The following ARID4A variants were observed in gnomAD, a reference collection of about 807,000 sequenced individuals.
The protein encoded by ARID4A is AT-rich interaction domain 4A, also known as AT-rich interactive domain-containing protein 4A.
A neutral mutation model predicts 148.6 loss-of-function variants in ARID4A; 39 were observed. The observed-to-expected ratio is 0.26, with a 90% confidence interval of 0.20 to 0.34. The LOEUF is 0.34. ARID4A is among the 10% of genes least tolerant of loss of function. ARID4A has a pLI of 1.00. For synonymous variants in ARID4A, 475 were observed against 481.2 expected (o/e 0.99, Z 0.17); for missense variants, 1,265 against 1,449.1 (o/e 0.87, Z 2.06).
At position 58,354,003 on chromosome 14, in the gene ARID4A, T is replaced by C. The variant is rs1213644402; in HGVS notation, c.1853+148T>C. On this transcript the variant is annotated intron_variant, in intron 17 of 23. Coordinates refer to ENST00000355431, the MANE Select transcript of ARID4A (RefSeq NM_002892.4). The stretch of plus-strand genomic sequence containing the variant: ...GAATTTTCCAAGACTTTGACATTCC[T>C]GCTGTTATACTAGCAGTGTCAATGC... 71 of 706,312 alleles carry C rather than the reference T, an allele frequency of 1.0e-4. No homozygotes were observed. In the East Asian group the frequency reaches 1.9e-3, roughly 19 times the overall value. The allele number at this position is 706,312 out of a possible 1,614,324, so 43.8% of individuals were successfully genotyped here. A position where few individuals can be genotyped will look rare whatever the true frequency, so the allele number is the denominator to read the frequency against.
intron 19 of ARID4A, among the ~76,000 whole-genome samples, chr14:58,361,587 A>C (rs927571136): frequency 2.8e-4 from 43 of 152,320 alleles, no homozygotes; most frequent in African/African-American, 1.0e-3. Context: ...ACAGTGGAAA[A>C]ATTGTGTGGG....
chr14:58,368,406 G>T (rs2035452956), intron 23 of ARID4A, among the ~76,000 whole-genome samples: 1 of 152,198 alleles, frequency 6.6e-6, no homozygotes, highest in South Asian at 2.1e-4. Flanking sequence ...CACTACATGT[G>T]CATTTTCTGT....
intron 23 of ARID4A, among the ~76,000 whole-genome samples, chr14:58,370,257 G>C (rs1048741048): frequency 6.6e-6 from 1 of 152,212 alleles, no homozygotes; most frequent in South Asian, 2.1e-4. Flanking sequence ...TTGCTCTGGG[G>C]TCAGTTTCCT....
chr14:58,369,529 G>A (rs1034995841), intron 23 of ARID4A, among the ~76,000 whole-genome samples: 1 of 151,414 alleles, frequency 6.6e-6, no homozygotes, highest in Middle Eastern at 3.2e-3. Flanking sequence ...AGGAGGCTGA[G>A]GCTTGAGGAT....
At chr14:58,361,088 C>G in intron 19 of ARID4A, 46 bp downstream of exon 19, 1 of 1,554,356 alleles carries the variant, frequency 6.4e-7, no homozygotes, top group Non-Finnish European at 8.7e-7. Flanking sequence ...TCACCTCTGT[C>G]AAATGGAATG....
At chr14:58,352,412 T>C (rs916580474) in intron 16 of ARID4A, among the ~76,000 whole-genome samples, 10 of 152,086 alleles carry the variant, frequency 6.6e-5, no homozygotes, top group Non-Finnish European at 1.3e-4. Flanking sequence ...GACAAAAAAT[T>C]TAAGCAAAGG....
rs71107934 is a variant in ARID4A, at chr14:58,319,521, CTTTTTTTTTTTTTTTTTTT to C, written c.449+737_449+755del. ...ATCTGTGTATGAATGTCTATATACT[CTTTTTTTTTTTTTTTTTTT>C]TTTTTTTTTTTTTTTTTTTTGGTGA... On this transcript the variant is annotated intron_variant, in intron 7 of 23. Transcript: ENST00000355431. Among the ~76,000 whole-genome samples the C allele has an allele frequency of 2.4e-4, 15 of 62,090 alleles. No individual in the cohort carries two copies. The East Asian group carries it at 7.7e-3, about 32-fold the overall frequency. 40.7% of individuals were successfully genotyped at this position (62,090 alleles called of 152,430 possible). A position where few individuals can be genotyped will look rare whatever the true frequency, so the allele number is the denominator to read the frequency against.
chr14:58,323,807 C>T (rs1046247895), intron 8 of ARID4A, among the ~76,000 whole-genome samples, 190 bp downstream of exon 8: 1 of 149,958 alleles, frequency 6.7e-6, no homozygotes. Context: ...TTCTTTAATT[C>T]TCTGTAGGCT....
At chr14:58,351,412 T>G in intron 16 of ARID4A, 89 bp downstream of exon 16, 1 of 1,491,870 alleles carries the variant, frequency 6.7e-7, no homozygotes, top group African/African-American at 1.4e-5. Flanking sequence ...TTTGAGGGAA[T>G]GTTTTCTTAT....
intron 2 of ARID4A, among the ~76,000 whole-genome samples, chr14:58,300,737 A>C (rs1203826325): frequency 5.3e-5 from 8 of 152,106 alleles, no homozygotes; most frequent in Admixed American, 2.0e-4. Context: ...CGTATCTCCA[A>C]AGTGTACACT....
At chr14:58,298,730 C>G (rs1594850737) in intron 1 of ARID4A, 30 bp downstream of exon 1, 1 of 152,486 alleles carries the variant, frequency 6.6e-6, no homozygotes, top group Admixed American at 6.6e-5. Context: ...TCCGGGGATA[C>G]TGAATGGACG....
Position 58,347,885 on chromosome 14 carries a change from T to C in ARID4A, c.1404+7T>C. The C allele has an allele frequency of 6.3e-7, 1 of 1,579,506 alleles. No individual in the cohort carries two copies. Among genetic ancestry groups the C allele is most frequent in the Non-Finnish European group, 8.6e-7 (1 of 1,156,704 alleles). On this transcript the variant is annotated splice_region_variant and intron_variant, in intron 15 of 23. Coordinates refer to ENST00000355431, the MANE Select transcript of ARID4A (RefSeq NM_002892.4). ...AGAATTAAAATCTCCGAGGGTGAGT[T>C]CTTAATACTAGTTTTATCTGGTTTA... is the stretch of plus-strand genomic sequence containing the variant.
intron 3 of ARID4A, among the ~76,000 whole-genome samples, chr14:58,304,559 A>C (rs1487603383): frequency 2.0e-5 from 3 of 152,164 alleles, no homozygotes; most frequent in Admixed American, 2.0e-4. Flanking sequence ...TTTACCTTTC[A>C]TATAGGCAAT....
chr14:58,323,449 G>A, intron 7 of ARID4A, 36 bp from the exon 8 acceptor site: 1 of 1,586,128 alleles, frequency 6.3e-7, no homozygotes, highest in South Asian at 1.1e-5. Flanking sequence ...ATAATTGTTT[G>A]TGTTAGGATA....
chr14:58,344,997 C>T (rs554655338), intron 12 of ARID4A, among the ~76,000 whole-genome samples: 8 of 152,152 alleles, frequency 5.3e-5, no homozygotes, highest in Admixed American at 2.6e-4. Context: ...CTCAGCCTCT[C>T]GAGTAGCTGG....
intron 18 of ARID4A, among the ~76,000 whole-genome samples, chr14:58,359,935 C>T (rs553933594): frequency 4.5e-4 from 69 of 151,832 alleles, no homozygotes; most frequent in African/African-American, 1.6e-3. Context: ...TCGTGGTGGC[C>T]GGCGCCTGTA....
Position 58,365,558 on chromosome 14 carries a change from A to C in ARID4A, c.3252A>C (p.Ala1084=), listed in dbSNP as rs2035326711. ...GTGATGGAAATAGTGGATTAATGGC[A>C]AAAAAGCAAAAGCGTACCCCAAAGC... The part of the protein sequence containing the change: ...RPSDGNSGLM[A]KKQKRTPKRT... Residue 1084 remains alanine (A), a synonymous_variant, in exon 21 of 24, where the codon GCA becomes GCC. Coordinates refer to ENST00000355431, the MANE Select transcript of ARID4A (RefSeq NM_002892.4). The C allele has an allele frequency of 2.5e-6, 4 of 1,606,544 alleles. No homozygotes were observed. Among genetic ancestry groups the C allele is most frequent in the Non-Finnish European group, 3.4e-6 (4 of 1,176,912 alleles).
chr14:58,343,704 C>T (rs1260541494), intron 11 of ARID4A, among the ~76,000 whole-genome samples: 3 of 152,048 alleles, frequency 2.0e-5, no homozygotes, highest in Non-Finnish European at 4.4e-5. Context: ...GTGGCACACT[C>T]CTGTAGTCCC....
At chr14:58,309,546 T>C (rs1373210857) in intron 5 of ARID4A, among the ~76,000 whole-genome samples, 2 of 152,222 alleles carry the variant, frequency 1.3e-5, no homozygotes, top group Non-Finnish European at 2.9e-5. Context: ...AAAAAAGGAA[T>C]TAATATGTCC....
Sources: allele counts gnomAD v4.1 joint callset (sites outside exome capture counted in the v4.1 genomes callset), GRCh38; gene constraint gnomAD v4.1.1; transcripts MANE v1.5; gene names NCBI Gene and HGNC (gene_info 2026-07-23, HGNC 2026-07-21).